CSGALNACT1: variants seen among roughly 807,000 people sequenced by gnomAD.
CSGALNACT1 encodes chondroitin sulfate N-acetylgalactosaminyltransferase 1.
In CSGALNACT1, 52 loss-of-function variants were observed where a neutral mutation model predicts 51.0. The ratio of observed to expected loss-of-function variants is 1.02; its 90% CI spans 0.82 to 1.29. The LOEUF is 1.29. Among genes scored for constraint, CSGALNACT1 ranks in the 50% most tolerant of loss-of-function variants. The pLI is 0.00. For missense variants in CSGALNACT1, 935 were observed against 679.2 expected, an observed-to-expected ratio of 1.38 and a Z score of -4.19; for synonymous variants, 341 against 254.4, an observed-to-expected ratio of 1.34 and a Z score of -3.24.
At chr8:19,542,713 T>C (rs2085501055) in intron 3 of CSGALNACT1, among the ~76,000 whole-genome samples, 1 of 152,194 alleles carries the variant, frequency 6.6e-6, no homozygotes, top group African/African-American at 2.4e-5. Flanking sequence ...TAATCATTTT[T>C]ATTAATTCAT....
chr8:19,682,526 A>G (rs2060696593), exon 1 of CSGALNACT1: 1 of 412,686 alleles, frequency 2.4e-6, no homozygotes, highest in Non-Finnish European at 4.9e-6. Context: ...CCGGGGACGT[A>G]TGGTCTTTCC....
chr8:19,640,659 C>A (rs530852464), intron 1 of CSGALNACT1, among the ~76,000 whole-genome samples: 1 of 152,200 alleles, frequency 6.6e-6, no homozygotes, highest in South Asian at 2.1e-4. Flanking sequence ...ATCTGGCACA[C>A]TTGAATCTAA....
intron 3 of CSGALNACT1, among the ~76,000 whole-genome samples, chr8:19,520,254 TTCTC>T (rs1033649456): frequency 1.3e-5 from 2 of 152,228 alleles, no homozygotes; most frequent in African/African-American, 4.8e-5. Context: ...CAACCAAGGC[TTCTC>T]TCTTTGTGCC....
exon 1 of CSGALNACT1, chr8:19,602,208 G>A (rs2050585168): frequency 5.0e-6 from 1 of 199,892 alleles, no homozygotes; most frequent in Non-Finnish European, 1.0e-5. Context: ...TTCCTAACTC[G>A]CAGCTCTGCT....
intron 2 of CSGALNACT1, among the ~76,000 whole-genome samples, chr8:19,592,207 G>A (rs2047964395): frequency 6.6e-6 from 1 of 152,150 alleles, no homozygotes; most frequent in South Asian, 2.1e-4. Context: ...ATAGTTTAAA[G>A]GACATTAAGT....
intron 3 of CSGALNACT1, among the ~76,000 whole-genome samples, chr8:19,526,416 C>G (rs1247284827): frequency 6.6e-6 from 1 of 152,134 alleles, no homozygotes; most frequent in Non-Finnish European, 1.5e-5. Flanking sequence ...AACTTCATCA[C>G]TACTAAAAAT....
intron 1 of CSGALNACT1, among the ~76,000 whole-genome samples, chr8:19,658,563 A>C (rs1488008916): frequency 6.6e-6 from 1 of 152,056 alleles, no homozygotes; most frequent in Non-Finnish European, 1.5e-5. Flanking sequence ...GAGAAACCCC[A>C]TCTCTAATGA....
intron 1 of CSGALNACT1, among the ~76,000 whole-genome samples, chr8:19,656,316 C>T (rs946887731): frequency 2.6e-5 from 4 of 152,092 alleles, no homozygotes; most frequent in African/African-American, 9.7e-5. Flanking sequence ...GGAATCAAAA[C>T]CTAGCCCTCA....
chr8:19,572,301 T>A (rs2043207887), intron 3 of CSGALNACT1, among the ~76,000 whole-genome samples: 1 of 152,244 alleles, frequency 6.6e-6, no homozygotes, highest in African/African-American at 2.4e-5. Flanking sequence ...TTGAAATTTG[T>A]GCCATTAATG....
At chr8:19,505,109 G>A (rs1347849362) in intron 4 of CSGALNACT1, 92 bp downstream of exon 3, 2 of 1,439,638 alleles carry the variant, frequency 1.4e-6, no homozygotes, top group Admixed American at 1.7e-5. Context: ...CCCAGAGCCA[G>A]CTGCCAGCCT....
At chr8:19,719,317 C>T (rs1388838125) in intron 1 of CSGALNACT1, among the ~76,000 whole-genome samples, 1 of 152,188 alleles carries the variant, frequency 6.6e-6, no homozygotes, top group African/African-American at 2.4e-5. Flanking sequence ...CCATGCCTGG[C>T]ACAGACTCCC....
chr8:19,724,483 C>T (rs2154241554), intron 1 of CSGALNACT1, among the ~76,000 whole-genome samples: 1 of 152,346 alleles, frequency 6.6e-6, no homozygotes, highest in Non-Finnish European at 1.5e-5. Flanking sequence ...ACCTCTCTTT[C>T]TCTGATTCTT....
chr8:19,676,295 C>A (rs556509021), intron 1 of CSGALNACT1, among the ~76,000 whole-genome samples: 3 of 152,052 alleles, frequency 2.0e-5, no homozygotes, highest in Non-Finnish European at 4.4e-5. Context: ...GGCTTTAGAG[C>A]AGCTATTTTA....
chr8:19,468,379 G>T (rs137858394), intron 4 of CSGALNACT1, among the ~76,000 whole-genome samples: 60 of 152,320 alleles, frequency 3.9e-4, no homozygotes, highest in African/African-American at 1.3e-3. Flanking sequence ...AAAGGCCGAC[G>T]TGGAGCGGGA....
chr8:19,502,976 A>T (rs948991816), intron 4 of CSGALNACT1, among the ~76,000 whole-genome samples: 1 of 152,072 alleles, frequency 6.6e-6, no homozygotes, highest in South Asian at 2.1e-4. Flanking sequence ...AAACATCACT[A>T]TTCTCAAAGC....
At chr8:19,579,069 T>C (rs904522503) in intron 3 of CSGALNACT1, among the ~76,000 whole-genome samples, 18 of 152,112 alleles carry the variant, frequency 1.2e-4, no homozygotes, top group African/African-American at 4.3e-4. Context: ...TATGTAAAAA[T>C]GAACTTGAGC....
chr8:19,595,007 C>G (rs1368577541), intron 2 of CSGALNACT1, among the ~76,000 whole-genome samples: 1 of 152,148 alleles, frequency 6.6e-6, no homozygotes, highest in East Asian at 1.9e-4. Context: ...AAGTTTTTAT[C>G]GTATATGAGA....
Position 19,452,149 on chromosome 8 carries a change from C to G in CSGALNACT1, c.851+6277G>C, listed in dbSNP as rs1171654220. Among the ~76,000 whole-genome samples, 6 of 152,298 alleles carry G rather than the reference C, an allele frequency of 3.9e-5. 1 individual carries two copies. The highest frequency in any genetic ancestry group is 3.9e-4 in the Admixed American group (6 of 15,282). On this transcript the variant is annotated intron_variant, in intron 5 of 9. Coordinates refer to ENST00000454498, the Ensembl canonical transcript of CSGALNACT1. ...AGACCAAGGAAAGAAATGGAAGTTT[C>G]TACATTAGCTTCCTGTGGCTCCTGG...
At chr8:19,552,443 C>T (rs1232773374) in intron 3 of CSGALNACT1, among the ~76,000 whole-genome samples, 1 of 152,092 alleles carries the variant, frequency 6.6e-6, no homozygotes, top group Admixed American at 6.5e-5. Context: ...CTGCATTTTT[C>T]CCTTCCAACA....
Sources: gnomAD v4.1 joint callset for allele counts (sites outside exome capture counted in the v4.1 genomes callset) on GRCh38, gnomAD v4.1.1 for gene constraint, MANE v1.5 for transcripts, NCBI Gene and HGNC (gene_info 2026-07-23, HGNC 2026-07-21) for gene names.